The following SHISAL2A variants were observed in gnomAD, a reference collection of about 807,000 sequenced individuals.
SHISAL2A encodes shisa like 2A.
Under a neutral mutation model 11.5 loss-of-function variants are expected in SHISAL2A, and 18 were observed. The observed-to-expected ratio is 1.57, with a 90% CI of 1.08 to 2.33. The LOEUF is 2.33. Among genes scored for constraint, SHISAL2A ranks in the 30% most tolerant of loss-of-function variants. SHISAL2A has a pLI of 0.00. For synonymous variants in SHISAL2A, 94 were observed against 99.6 expected (o/e 0.94, Z 0.34); for missense variants, 261 against 250.9 (o/e 1.04, Z -0.27).
chr1:52,665,439 G>T (rs551929274), intron 4 of SHISAL2A, among the ~76,000 whole-genome samples: 1 of 152,122 alleles, frequency 6.6e-6, no homozygotes, highest in Admixed American at 6.6e-5. Context: ...AGGAGCAGTT[G>T]TCCCCGATGT....
intron 4 of SHISAL2A, among the ~76,000 whole-genome samples, chr1:52,664,649 G>A (rs1358865610): frequency 1.3e-5 from 2 of 152,190 alleles, no homozygotes; most frequent in African/African-American, 4.8e-5. Flanking sequence ...GTGAGCCACC[G>A]CGCTCGGCCC....
chr1:52,637,271 G>A (rs1185574107), intron 1 of SHISAL2A, among the ~76,000 whole-genome samples: 1 of 152,202 alleles, frequency 6.6e-6, no homozygotes, highest in African/African-American at 2.4e-5. Flanking sequence ...AAAGTCCTCA[G>A]GATGTCTAGG....
intron 2 of SHISAL2A, among the ~76,000 whole-genome samples, chr1:52,647,596 A>G (rs1346420998): frequency 1.3e-5 from 2 of 152,086 alleles, no homozygotes; most frequent in East Asian, 3.8e-4. Flanking sequence ...CTATAATCTC[A>G]GCACTTAGGG....
intron 1 of SHISAL2A, 106 bp from the exon 2 acceptor site, chr1:52,642,757 T>C: frequency 5.9e-6 from 7 of 1,186,588 alleles, no homozygotes; most frequent in East Asian, 2.4e-5. Context: ...ATTCTGTACA[T>C]TTTCTTCCCA....
intron 2 of SHISAL2A, among the ~76,000 whole-genome samples, chr1:52,651,475 G>C (rs1413166925): frequency 6.6e-6 from 1 of 152,016 alleles, no homozygotes; most frequent in Non-Finnish European, 1.5e-5. Context: ...CTGACCTCGT[G>C]ATCCACCCGC....
chr1:52,652,857 T>C (rs1318505639), intron 2 of SHISAL2A, among the ~76,000 whole-genome samples: 5 of 147,676 alleles, frequency 3.4e-5, no homozygotes, highest in Non-Finnish European at 7.4e-5. Context: ...TCCCAGCTAC[T>C]CGGGAGGCTG....
chr1:52,635,768 G>T (rs1008453534), intron 1 of SHISAL2A, among the ~76,000 whole-genome samples: 2 of 152,212 alleles, frequency 1.3e-5, no homozygotes, highest in African/African-American at 2.4e-5. Context: ...CAAGGAGGGT[G>T]TTAGTTTTAG....
intron 1 of SHISAL2A, among the ~76,000 whole-genome samples, chr1:52,635,259 G>A (rs1221036819): frequency 1.3e-5 from 2 of 152,130 alleles, no homozygotes; most frequent in Non-Finnish European, 2.9e-5. Flanking sequence ...AATGCACTGA[G>A]AACAACAGGT....
chr1:52,633,787 T>G lies in SHISAL2A; in HGVS notation c.182+112T>G, dbSNP rs898147403. The G allele has an allele frequency of 1.5e-5, 12 of 819,468 alleles. No homozygotes were observed. Among genetic ancestry groups the G allele is most frequent in the Non-Finnish European group, 2.3e-5 (12 of 514,866 alleles). The allele number at this position is 819,468 out of a possible 1,614,324, so 50.8% of individuals were successfully genotyped here. ...CCTGAACATCAGCAGCAAGCTCTAG[T>G]CCTTACCGTCCTCATGCCCACAGCA... On this transcript the variant is annotated intron_variant, in intron 1 of 2. Transcript: ENST00000517870. This position sits in a 1 kb window ranked among gnomAD's most constrained non-coding sequence, Gnocchi z 6.4.
chr1:52,668,851 A>G (rs2149898861), exon 6 of SHISAL2A: 2 of 152,458 alleles, frequency 1.3e-5, no homozygotes, highest in Admixed American at 1.3e-4. Flanking sequence ...CTTCAGCCTA[A>G]CAGCTCCAGA....
downstream of SHISAL2A, among the ~76,000 whole-genome samples, chr1:52,658,310 G>T (rs905805525): frequency 5.9e-5 from 9 of 152,318 alleles, no homozygotes; most frequent in African/African-American, 2.2e-4. Context: ...AAAGTGCTGG[G>T]ATTACAGATG....
chr1:52,655,452 C>CAA (rs11346128), intron 2 of SHISAL2A, among the ~76,000 whole-genome samples: 34 of 40,130 alleles, frequency 8.5e-4, no homozygotes, highest in South Asian at 5.4e-3. Context: ...CCTGTATCTA[C>CAA]AAAAAAAAAA....
At chr1:52,651,303 T>C (rs565323015) in intron 2 of SHISAL2A, among the ~76,000 whole-genome samples, 2 of 152,286 alleles carry the variant, frequency 1.3e-5, no homozygotes, top group East Asian at 3.9e-4. Flanking sequence ...AGTGGTGTGA[T>C]CTCTGCTCAC....
At chr1:52,652,648 G>A (rs967958886) in intron 2 of SHISAL2A, among the ~76,000 whole-genome samples, 8 of 151,890 alleles carry the variant, frequency 5.3e-5, no homozygotes, top group African/African-American at 1.2e-4. Context: ...TCTATAAAAC[G>A]TGCACAAAAT....
intron 2 of SHISAL2A, among the ~76,000 whole-genome samples, chr1:52,646,557 A>G: frequency 6.6e-6 from 1 of 151,388 alleles, no homozygotes; most frequent in Non-Finnish European, 1.5e-5. Context: ...CCAATTCTGT[A>G]TTTGCAAATT....
chr1:52,667,189 A>G (rs1243408187), intron 4 of SHISAL2A, among the ~76,000 whole-genome samples: 4 of 152,200 alleles, frequency 2.6e-5, no homozygotes, highest in African/African-American at 9.7e-5. Context: ...AGGTGAAGAG[A>G]CTGAGGCTCT....
intron 1 of SHISAL2A, among the ~76,000 whole-genome samples, chr1:52,635,036 A>G (rs1229776048): frequency 6.6e-6 from 1 of 152,242 alleles, no homozygotes; most frequent in Non-Finnish European, 1.5e-5. Flanking sequence ...TGTGCTATCT[A>G]TAACCCAGGG....
At chr1:52,658,591 T>C (rs773712552), downstream of SHISAL2A, among the ~76,000 whole-genome samples, 1 of 152,190 alleles carries the variant, frequency 6.6e-6, no homozygotes, top group Admixed American at 6.5e-5. Flanking sequence ...AATTACTAAG[T>C]CCATGCAAGT....
intron 1 of SHISAL2A, among the ~76,000 whole-genome samples, chr1:52,642,428 ATT>A (rs113827358): frequency 6.9e-6 from 1 of 145,848 alleles, no homozygotes; most frequent in Non-Finnish European, 1.5e-5. Context: ...CACAACACTA[ATT>A]TTTTTTTTTT....
Sources: allele counts gnomAD v4.1 joint callset (sites outside exome capture counted in the v4.1 genomes callset), GRCh38; gene constraint gnomAD v4.1.1; non-coding constraint Gnocchi (gnomAD v3.1); transcripts MANE v1.5; gene names NCBI Gene and HGNC (gene_info 2026-07-23, HGNC 2026-07-21).